The following THSD7B variants were observed in gnomAD, a reference collection of about 807,000 sequenced individuals.
THSD7B encodes the protein thrombospondin type 1 domain containing 7B.
A neutral mutation model predicts 213.6 loss-of-function variants in THSD7B; 138 were observed. That is an observed-to-expected ratio of 0.65 (90% CI 0.56 to 0.74). The LOEUF is 0.74. Ranked by LOEUF, THSD7B falls within the 30% of genes least tolerant of loss-of-function variation. The pLI, the probability that THSD7B is intolerant of heterozygous loss-of-function variation, is 0.00. For missense variants in THSD7B, 1,931 were observed against 1,991.5 expected (o/e 0.97, Z 0.58); for synonymous variants, 742 against 687.0 (o/e 1.08, Z -1.25).
At position 136,965,841 on chromosome 2, in the gene THSD7B, C is replaced by G. The variant is rs532912577; in HGVS notation, c.139+83524C>G. On this transcript the variant is annotated intron_variant, in intron 2 of 27. Coordinates refer to ENST00000409968, the MANE Select transcript of THSD7B (RefSeq NM_001316349.2). ...TTTCAGTTTTCTTAAGTTAAAGTGC[C>G]TGTTATGGTATTTCCCACGTGGTAG... is the stretch of plus-strand genomic sequence containing the variant. Among the ~76,000 whole-genome samples, 2 of 151,654 alleles carry G rather than the reference C, an allele frequency of 1.3e-5. 1 individual carries two copies. The highest frequency in any genetic ancestry group is 4.2e-4 in the South Asian group (2 of 4,812).
At chr2:137,541,563 T>C (rs960287613) in intron 15 of THSD7B, among the ~76,000 whole-genome samples, 12 of 151,704 alleles carry the variant, frequency 7.9e-5, no homozygotes, top group Non-Finnish European at 1.8e-4. Flanking sequence ...ACACTCAATA[T>C]CTTCCCTCTA....
At chr2:137,468,799 G>GT (rs904871261) in intron 15 of THSD7B, among the ~76,000 whole-genome samples, 1 of 151,988 alleles carries the variant, frequency 6.6e-6, no homozygotes, top group Admixed American at 6.6e-5. Flanking sequence ...ATTCTTTATG[G>GT]TGTTTACATT....
chr2:137,410,201 G>A (rs1369872767), intron 13 of THSD7B, among the ~76,000 whole-genome samples: 2 of 152,140 alleles, frequency 1.3e-5, no homozygotes, highest in East Asian at 3.9e-4. Context: ...GTAGAGGCAA[G>A]TGAATATCTT....
intron 2 of THSD7B, among the ~76,000 whole-genome samples, chr2:137,026,276 A>G (rs1160534845): frequency 6.6e-6 from 1 of 152,030 alleles, no homozygotes. Flanking sequence ...CTTGTTTAGA[A>G]CCTAGATCCC....
chr2:136,994,825 CAT>C (rs1202731385), intron 2 of THSD7B, among the ~76,000 whole-genome samples: 2 of 152,114 alleles, frequency 1.3e-5, no homozygotes, highest in African/African-American at 2.4e-5. Context: ...TAATCCTAGA[CAT>C]AAACTTTTCT....
intron 7 of THSD7B, among the ~76,000 whole-genome samples, chr2:137,174,986 A>G (rs1217713237): frequency 1.3e-5 from 2 of 152,232 alleles, no homozygotes; most frequent in Non-Finnish European, 2.9e-5. Flanking sequence ...TCTCAAACAT[A>G]TAACTGGTTC....
chr2:136,776,422 G>T (rs72975532), intron 1 of THSD7B, among the ~76,000 whole-genome samples: 2 of 149,248 alleles, frequency 1.3e-5, no homozygotes, highest in Admixed American at 6.8e-5. Context: ...CCCAATGCAG[G>T]CAGAAGGTTT....
intron 2 of THSD7B, among the ~76,000 whole-genome samples, chr2:136,884,311 A>G (rs1683680176): frequency 6.6e-6 from 1 of 152,184 alleles, no homozygotes; most frequent in African/African-American, 2.4e-5. Context: ...GGGAGCCTCT[A>G]CAACTTCTGG....
At chr2:137,023,170 C>A (rs2104845052) in intron 2 of THSD7B, among the ~76,000 whole-genome samples, 1 of 152,218 alleles carries the variant, frequency 6.6e-6, no homozygotes, top group South Asian at 2.1e-4. Context: ...GGTGGTAAAC[C>A]ATCTCTCAAA....
chr2:137,542,967 ATAGTTC>A (rs897797412), intron 15 of THSD7B, among the ~76,000 whole-genome samples: 9 of 151,766 alleles, frequency 5.9e-5, no homozygotes, highest in African/African-American at 2.2e-4. Flanking sequence ...TTATTATCTT[ATAGTTC>A]TAGAGGTGAA....
chr2:137,312,992 G>T (rs1446493689), intron 12 of THSD7B, among the ~76,000 whole-genome samples: 52 of 149,834 alleles, frequency 3.5e-4, no homozygotes, highest in East Asian at 1.2e-3. Flanking sequence ...TGTTGATTTG[G>T]GGTGGAGAGT....
chr2:137,553,455 C>A (rs569226830), intron 15 of THSD7B, among the ~76,000 whole-genome samples: 1 of 152,160 alleles, frequency 6.6e-6, no homozygotes, highest in African/African-American at 2.4e-5. Context: ...TTAAATTGAT[C>A]AATTACAATG....
At chr2:136,934,717 G>T (rs886261119) in intron 2 of THSD7B, among the ~76,000 whole-genome samples, 1 of 152,056 alleles carries the variant, frequency 6.6e-6, no homozygotes, top group African/African-American at 2.4e-5. Context: ...GAAATTATTG[G>T]CCATTGTCAA....
chr2:137,099,827 C>T (rs1688116273), intron 4 of THSD7B, among the ~76,000 whole-genome samples: 1 of 152,120 alleles, frequency 6.6e-6, no homozygotes, highest in Admixed American at 6.6e-5. Flanking sequence ...CACAGAAAAG[C>T]CAACGTGTAA....
At chr2:137,107,470 G>A (rs1688276203) in intron 4 of THSD7B, among the ~76,000 whole-genome samples, 1 of 152,166 alleles carries the variant, frequency 6.6e-6, no homozygotes, top group Admixed American at 6.5e-5. Context: ...AACCACCACG[G>A]CACGTGTATC....
At chr2:137,327,028 A>C (rs114376101) in intron 12 of THSD7B, among the ~76,000 whole-genome samples, 32 of 152,368 alleles carry the variant, frequency 2.1e-4, no homozygotes, top group African/African-American at 7.7e-4. Flanking sequence ...ACATTTATCC[A>C]CACATTTAAT....
intron 2 of THSD7B, among the ~76,000 whole-genome samples, chr2:136,903,274 A>G (rs1220582796): frequency 1.3e-5 from 2 of 152,214 alleles, no homozygotes; most frequent in Non-Finnish European, 2.9e-5. Context: ...AACTGCTAGC[A>G]TAGGAAGACC....
At chr2:136,872,137 C>A (rs1683439406) in intron 1 of THSD7B, among the ~76,000 whole-genome samples, 1 of 152,082 alleles carries the variant, frequency 6.6e-6, no homozygotes, top group Non-Finnish European at 1.5e-5. Flanking sequence ...AGAAGGCACA[C>A]AAAAACATGG....
At chr2:137,238,743 C>T (rs949781837) in intron 9 of THSD7B, among the ~76,000 whole-genome samples, 1 of 149,166 alleles carries the variant, frequency 6.7e-6, no homozygotes, top group Non-Finnish European at 1.5e-5. Flanking sequence ...TTAGTAGAGA[C>T]GGGGTTTCAC....
Sources: gnomAD v4.1 joint callset for allele counts (sites outside exome capture counted in the v4.1 genomes callset) on GRCh38, gnomAD v4.1.1 for gene constraint, MANE v1.5 for transcripts, NCBI Gene and HGNC (gene_info 2026-07-23, HGNC 2026-07-21) for gene names.